PBX1: variants seen among roughly 807,000 people sequenced by gnomAD.
PBX1 encodes PBX homeobox 1.
In PBX1, 6 loss-of-function variants were observed where a neutral mutation model predicts 53.4. The observed-to-expected ratio is 0.11, with a 90% CI of 0.06 to 0.22. The LOEUF (loss-of-function observed/expected upper bound fraction) is 0.22. Among genes scored for constraint, PBX1 ranks in the 10% least tolerant of loss-of-function variants. The probability of loss-of-function intolerance (pLI) is 1.00; values close to 1 mark genes in which losing one functional copy is unlikely to be tolerated. For missense variants in PBX1, 251 were observed against 551.4 expected (o/e 0.46, Z 5.46); for synonymous variants, 204 against 212.3 (o/e 0.96, Z 0.34).
chr1:164,560,128 T>C (rs1028162961), intron 1 of PBX1, 115 bp downstream of exon 1: 11 of 801,214 alleles, frequency 1.4e-5, no homozygotes, highest in Non-Finnish European at 2.0e-5. Flanking sequence ...ATGTTATTTC[T>C]TTTCTCATTT....
intron 8 of PBX1, among the ~76,000 whole-genome samples, chr1:164,836,009 G>T (rs535922983): frequency 6.6e-6 from 1 of 152,222 alleles, no homozygotes; most frequent in African/African-American, 2.4e-5. Flanking sequence ...GGGGAGATCT[G>T]CCCTAGGCCT....
chr1:164,815,124 A>T (rs929293349), intron 6 of PBX1: 1 of 152,220 alleles, frequency 6.6e-6, no homozygotes, highest in Non-Finnish European at 1.5e-5. Context: ...ATTCTTCTGT[A>T]GTGGCCTAGA....
chr1:164,883,982 A>C (rs1672720891), intron 2 of PBX1, among the ~76,000 whole-genome samples: 1 of 152,294 alleles, frequency 6.6e-6, no homozygotes, highest in East Asian at 1.9e-4. Flanking sequence ...TTTTAGGTGG[A>C]GGTAGATAAA....
At chr1:164,820,206 C>A in intron 7 of PBX1, 22 bp downstream of exon 7, 1 of 1,403,544 alleles carries the variant, frequency 7.1e-7, no homozygotes, top group Non-Finnish European at 1.0e-6. Context: ...GCCAATATGT[C>A]ACCAGGTGAA....
intron 2 of PBX1, among the ~76,000 whole-genome samples, chr1:164,596,764 A>T (rs1655791617): frequency 6.6e-6 from 1 of 152,176 alleles, no homozygotes; most frequent in African/African-American, 2.4e-5. Context: ...CTAGTGTATT[A>T]AGAATTAAGG....
chr1:164,767,023 GT>G (rs34611646), intron 2 of PBX1, among the ~76,000 whole-genome samples: 147,188 of 150,768 alleles, frequency 0.98, 71,922 homozygotes, highest in East Asian at 1. Flanking sequence ...CTTTTATCCT[GT>G]TTTTTTTTTC....
At chr1:164,567,590 T>C (rs1653524105) in intron 2 of PBX1, among the ~76,000 whole-genome samples, 1 of 152,206 alleles carries the variant, frequency 6.6e-6, no homozygotes, top group Non-Finnish European at 1.5e-5. Flanking sequence ...TATTTATTTA[T>C]TATAATGTGG....
At chr1:164,630,295 G>T (rs897673170) in intron 2 of PBX1, among the ~76,000 whole-genome samples, 2 of 152,180 alleles carry the variant, frequency 1.3e-5, no homozygotes, top group Admixed American at 1.3e-4. Context: ...TGCTTCCAAA[G>T]TCTGAGTGGG....
intron 2 of PBX1, among the ~76,000 whole-genome samples, chr1:164,564,922 A>C (rs1418875462): frequency 1.1e-4 from 17 of 152,012 alleles, no homozygotes; most frequent in Non-Finnish European, 2.1e-4. Context: ...GTTTCTAACC[A>C]AGTATGAGTT....
intron 8 of PBX1, among the ~76,000 whole-genome samples, chr1:164,834,845 A>T (rs952338925): frequency 1.8e-4 from 28 of 152,158 alleles, no homozygotes; most frequent in African/African-American, 6.3e-4. Flanking sequence ...ACCTCTGGAG[A>T]TTGGCAACAC....
chr1:164,657,988 G>A (rs1049275755), intron 2 of PBX1, among the ~76,000 whole-genome samples: 1 of 152,086 alleles, frequency 6.6e-6, no homozygotes, highest in Non-Finnish European at 1.5e-5. Flanking sequence ...TCATTGTTAT[G>A]CCTGTGGGCA....
chr1:164,751,035 G>T (rs1353133105), intron 2 of PBX1, among the ~76,000 whole-genome samples: 1 of 152,136 alleles, frequency 6.6e-6, no homozygotes, highest in Admixed American at 6.5e-5. Flanking sequence ...GTATTTGCAG[G>T]CTGGGTGCGG....
At chr1:164,590,311 G>T (rs1484766459) in intron 2 of PBX1, 3 of 455,304 alleles carry the variant, frequency 6.6e-6, no homozygotes, top group African/African-American at 2.0e-5. Context: ...TTTCTTGATT[G>T]TCCCAGCCTC....
chr1:164,650,373 C>T (rs1418093855), intron 2 of PBX1, among the ~76,000 whole-genome samples: 1 of 151,994 alleles, frequency 6.6e-6, no homozygotes, highest in Non-Finnish European at 1.5e-5. Context: ...GGATTACAGG[C>T]ACCTGCTACC....
chr1:164,766,818 C>T (rs1185388419), intron 2 of PBX1, among the ~76,000 whole-genome samples: 1 of 151,426 alleles, frequency 6.6e-6, no homozygotes, highest in Non-Finnish European at 1.5e-5. Context: ...CCTTTGCCTC[C>T]CGGGTTCAAG....
chr1:164,711,383 C>T (rs1663766151), intron 2 of PBX1, among the ~76,000 whole-genome samples: 1 of 152,206 alleles, frequency 6.6e-6, no homozygotes, highest in Non-Finnish European at 1.5e-5. Flanking sequence ...CCTGCCTCAG[C>T]CTCCCGAGTA....
intron 2 of PBX1, among the ~76,000 whole-genome samples, chr1:164,706,495 A>G (rs1000175070): frequency 4.6e-5 from 7 of 152,206 alleles, no homozygotes; most frequent in African/African-American, 1.7e-4. Flanking sequence ...AAATCATAAT[A>G]TATCTTGTTA....
At chr1:164,734,847 T>C (rs935046103) in intron 2 of PBX1, among the ~76,000 whole-genome samples, 4 of 152,188 alleles carry the variant, frequency 2.6e-5, no homozygotes, top group African/African-American at 4.8e-5. Flanking sequence ...AACTTTCTGC[T>C]ATTACTTTAG....
Position 164,848,783 on chromosome 1 carries a change from A to G in PBX1, c.*2107A>G. The G allele has an allele frequency of 4.7e-6, 5 of 1,062,094 alleles. No homozygotes were observed. The highest frequency in any genetic ancestry group is 5.7e-6 in the Non-Finnish European group (5 of 877,318). The allele number at this position is 1,062,094 out of a possible 1,614,324, so 65.8% of individuals were successfully genotyped here. On this transcript the variant is annotated 3_prime_UTR_variant, in exon 9 of 9. Transcript: ENST00000420696. ...TGAGGGGTGAGAATGGGCAGCTAGC[A>G]AGAACATGGAAATTCTGCTTGGCAC...
Sources: allele counts gnomAD v4.1 joint callset (sites outside exome capture counted in the v4.1 genomes callset), GRCh38; gene constraint gnomAD v4.1.1; transcripts MANE v1.5; gene names NCBI Gene and HGNC (gene_info 2026-07-23, HGNC 2026-07-21).